KCNMB2: variants seen among roughly 807,000 people sequenced by gnomAD.
The protein encoded by KCNMB2 is potassium calcium-activated channel subfamily M regulatory beta subunit 2, also known as calcium-activated potassium channel subunit beta-2.
A neutral mutation model predicts 24.5 loss-of-function variants in KCNMB2; 9 were observed. That is an observed-to-expected ratio of 0.37 (90% CI 0.22 to 0.64). The LOEUF is 0.64. KCNMB2 is among the 30% of genes least tolerant of loss of function. The pLI, the probability that KCNMB2 is intolerant of heterozygous loss-of-function variation, is 0.63. For missense variants in KCNMB2, 226 were observed against 284.3 expected (o/e 0.79, Z 1.47); for synonymous variants, 109 against 104.4 (o/e 1.04, Z -0.27).
At chr3:178,547,969 G>T (rs908573227) in intron 1 of KCNMB2, among the ~76,000 whole-genome samples, 10 of 152,188 alleles carry the variant, frequency 6.6e-5, no homozygotes, top group Admixed American at 5.2e-4. Flanking sequence ...GCCAATAATT[G>T]TCTTTGAATC....
At chr3:178,818,749 T>C (rs1714504839) in intron 2 of KCNMB2, among the ~76,000 whole-genome samples, 1 of 152,164 alleles carries the variant, frequency 6.6e-6, no homozygotes, top group Non-Finnish European at 1.5e-5. Flanking sequence ...AAAGCACATA[T>C]CTAATCATTG....
intron 1 of KCNMB2, among the ~76,000 whole-genome samples, chr3:178,765,117 T>C (rs772187942): frequency 5.3e-5 from 8 of 152,208 alleles, no homozygotes; most frequent in Non-Finnish European, 8.8e-5. Context: ...TGCTCACAAA[T>C]TATACTTTGC....
chr3:178,782,450 C>T (rs1412703611), intron 1 of KCNMB2, among the ~76,000 whole-genome samples: 1 of 152,052 alleles, frequency 6.6e-6, no homozygotes, highest in Non-Finnish European at 1.5e-5. Context: ...TCTCCAGCAC[C>T]TGTTGTTTCC....
chr3:178,811,166 GT>G (rs1160348989), intron 2 of KCNMB2, among the ~76,000 whole-genome samples: 1 of 151,910 alleles, frequency 6.6e-6, no homozygotes, highest in South Asian at 2.1e-4. Flanking sequence ...TCTTTAAATT[GT>G]TTTTTTAAAT....
At chr3:178,612,150 G>A (rs925620760) in intron 1 of KCNMB2, among the ~76,000 whole-genome samples, 4 of 152,174 alleles carry the variant, frequency 2.6e-5, no homozygotes, top group Non-Finnish European at 5.9e-5. Context: ...AATGTTGTAA[G>A]ACTTGTTTGG....
rs548319707 is a variant in KCNMB2, at chr3:178,557,655, A to G, written c.-68+20944A>G. Among the ~76,000 whole-genome samples the G allele has an allele frequency of 2.0e-5, 3 of 152,332 alleles. No individual in the cohort carries two copies. In the South Asian group the frequency reaches 6.2e-4, roughly 32 times the overall value. On this transcript the variant is annotated intron_variant, in intron 1 of 4. Coordinates refer to ENST00000452583, the MANE Select transcript of KCNMB2 (RefSeq NM_181361.3). Reference sequence around the variant, plus strand: ...TCTTATGAAAAAGAGAAAAAGAAATATTATAATTGGGGAACAGATAGAAGA... The same window carrying G: ...TCTTATGAAAAAGAGAAAAAGAAATGTTATAATTGGGGAACAGATAGAAGA...
At chr3:178,745,178 C>T (rs536265415) in intron 1 of KCNMB2, among the ~76,000 whole-genome samples, 2 of 152,176 alleles carry the variant, frequency 1.3e-5, no homozygotes, top group Non-Finnish European at 2.9e-5. Context: ...CTGATAAAGA[C>T]ATACCCAAGA....
intron 2 of KCNMB2, among the ~76,000 whole-genome samples, chr3:178,815,085 G>A (rs1714353594): frequency 6.6e-6 from 1 of 151,886 alleles, no homozygotes; most frequent in African/African-American, 2.4e-5. Flanking sequence ...AAAGGCAATT[G>A]ACTATTGCAT....
chr3:178,699,244 A>G (rs1368901561), intron 1 of KCNMB2, among the ~76,000 whole-genome samples: 4 of 152,242 alleles, frequency 2.6e-5, no homozygotes, highest in African/African-American at 9.6e-5. Context: ...TGTTGTCTGC[A>G]CAGTGTTAGT....
chr3:178,584,307 A>G (rs1262773281), intron 1 of KCNMB2, among the ~76,000 whole-genome samples: 1 of 152,248 alleles, frequency 6.6e-6, no homozygotes, highest in Non-Finnish European at 1.5e-5. Flanking sequence ...TTACATGTAC[A>G]GACTAAGATA....
intron 1 of KCNMB2, among the ~76,000 whole-genome samples, chr3:178,766,266 G>A (rs34347909): frequency 0.13 from 19,167 of 152,018 alleles, 1,318 homozygotes; most frequent in African/African-American, 0.15. Flanking sequence ...CCATTATAGC[G>A]CCCTATACCC....
intron 1 of KCNMB2, among the ~76,000 whole-genome samples, chr3:178,559,622 G>A (rs528246721): frequency 6.7e-6 from 1 of 149,542 alleles, no homozygotes; most frequent in Admixed American, 6.7e-5. Context: ...CCTAGAAATT[G>A]TCTTACAAAA....
At chr3:178,636,581 G>A (rs956746686) in intron 1 of KCNMB2, among the ~76,000 whole-genome samples, 1 of 152,156 alleles carries the variant, frequency 6.6e-6, no homozygotes, top group Non-Finnish European at 1.5e-5. Context: ...AAGAAAAACT[G>A]CACTCACTCT....
chr3:178,784,894 A>C (rs969635809), intron 1 of KCNMB2, among the ~76,000 whole-genome samples: 1 of 151,080 alleles, frequency 6.6e-6, no homozygotes, highest in African/African-American at 2.4e-5. Flanking sequence ...AAAAAAAAAA[A>C]AACTATCCAA....
intron 1 of KCNMB2, among the ~76,000 whole-genome samples, chr3:178,735,009 A>C (rs1386586131): frequency 2.0e-5 from 3 of 152,236 alleles, no homozygotes; most frequent in Admixed American, 2.0e-4. Context: ...TCTGTAGCAG[A>C]GTAGTGAATA....
rs1056431871 is a variant in KCNMB2 at position 178,681,102 on chromosome 3, A to T, written c.-67-126241A>T. ...AGCTGCCTATTAAAATCACTGAAAA[A>T]TTTTAACAGATATACAGATACTCCA... On this transcript the variant is annotated intron_variant, in intron 1 of 4. Transcript: ENST00000452583. Among the ~76,000 whole-genome samples the T allele has an allele frequency of 4.6e-5, 7 of 152,266 alleles. No homozygotes were observed. The South Asian group carries it at 1.5e-3, about 32-fold the overall frequency.
At chr3:178,837,223 T>C (rs1013358773) in intron 4 of KCNMB2, among the ~76,000 whole-genome samples, 1 of 152,190 alleles carries the variant, frequency 6.6e-6, no homozygotes, top group Non-Finnish European at 1.5e-5. Context: ...TGACGACTTT[T>C]AGATGATCAT....
In KCNMB2 at chr3:178,616,225, GT is replaced by G. The variant is rs141250442; in HGVS notation, c.-68+79517del. On this transcript the variant is annotated intron_variant, in intron 1 of 4. Coordinates refer to ENST00000452583, the MANE Select transcript of KCNMB2 (RefSeq NM_181361.3). ...CCAGAGTCCACCATCTCTGAGCCTAGTTTGTCATTAGGACTCACGTAAGAGT... is the reference window on the plus strand; with the variant it reads ...CCAGAGTCCACCATCTCTGAGCCTAGTTGTCATTAGGACTCACGTAAGAGT... Among the ~76,000 whole-genome samples the G allele has an allele frequency of 5.6e-3, 859 of 152,296 alleles. 8 individuals carry two copies. Among genetic ancestry groups the G allele is most frequent in the African/African-American group, 0.02 (833 of 41,578 alleles).
intron 1 of KCNMB2, among the ~76,000 whole-genome samples, chr3:178,780,253 A>G (rs1252294305): frequency 3.9e-5 from 6 of 152,050 alleles, no homozygotes; most frequent in African/African-American, 1.2e-4. Context: ...AGTGTAATTC[A>G]TCTTCCTTAT....
Sources: allele counts gnomAD v4.1 joint callset (sites outside exome capture counted in the v4.1 genomes callset), GRCh38; gene constraint gnomAD v4.1.1; transcripts MANE v1.5; gene names NCBI Gene and HGNC (gene_info 2026-07-23, HGNC 2026-07-21).